RGSL1: variants seen among roughly 807,000 people sequenced by gnomAD.
The protein encoded by RGSL1 is regulator of G protein signaling protein-like.
Under a neutral mutation model 124.7 loss-of-function variants are expected in RGSL1, and 97 were observed. That is an observed-to-expected ratio of 0.78 (90% CI 0.66 to 0.92). The LOEUF is 0.92. RGSL1 is among the 40% of genes least tolerant of loss of function. The pLI, the probability that RGSL1 is intolerant of heterozygous loss-of-function variation, is 0.00. For synonymous variants in RGSL1, 424 were observed against 438.1 expected (o/e 0.97, Z 0.40); for missense variants, 1,233 against 1,288.4 (o/e 0.96, Z 0.66).
At position 182,455,946 on chromosome 1, in the gene RGSL1, G is replaced by A. The variant is rs149597785; in HGVS notation, c.96+1906G>A. The stretch of plus-strand genomic sequence containing the variant: ...TACTCTGCAGAGGTCTGGCCAATGG[G>A]TGGGCAGGAGACCTTAATGGAGGAA... On this transcript the variant is annotated intron_variant, in intron 2 of 21. Transcript: ENST00000294854. 5.9e-3 allele frequency among the ~76,000 whole-genome samples: 903 copies of A among 152,364 alleles called. 11 individuals carry two copies. The highest frequency in any genetic ancestry group is 0.021 in the African/African-American group (873 of 41,586).
intron 9 of RGSL1, among the ~76,000 whole-genome samples, chr1:182,508,609 T>G (rs1657029872): frequency 6.6e-6 from 1 of 151,570 alleles, no homozygotes; most frequent in African/African-American, 2.4e-5. Flanking sequence ...CTCATAGTTT[T>G]GATTTGCATT....
At chr1:182,532,898 G>T (rs266535) in intron 14 of RGSL1, 107 bp downstream of exon 14, 1,084,672 of 1,276,922 alleles carry the variant, frequency 0.85, 465,111 homozygotes, top group Non-Finnish European at 0.88. Flanking sequence ...GCAGCCTGGA[G>T]TCTAGCAAAA....
chr1:182,502,662 C>G (rs562602131), intron 9 of RGSL1, among the ~76,000 whole-genome samples: 21 of 152,236 alleles, frequency 1.4e-4, no homozygotes, highest in Middle Eastern at 6.8e-3. Context: ...TTGGTATCCT[C>G]TTTTTTAATA....
intron 10 of RGSL1, among the ~76,000 whole-genome samples, chr1:182,524,122 A>T (rs1658560707): frequency 6.6e-6 from 1 of 152,188 alleles, no homozygotes; most frequent in South Asian, 2.1e-4. Flanking sequence ...CATAAAACAT[A>T]AAAAGCCAGA....
In RGSL1 at chr1:182,557,530, A is replaced by T. The variant is rs141406233; in HGVS notation, c.*165+1308A>T. 2.2e-4 allele frequency among the ~76,000 whole-genome samples: 33 copies of T among 152,322 alleles called. 1 individual carries two copies. In the East Asian group the frequency reaches 5.8e-3, roughly 27 times the overall value. On this transcript the variant is annotated intron_variant, in intron 21 of 21. Transcript: ENST00000294854. ...TGGTCACATACTGAAATACACTCAC[A>T]TTGGAGTGGGACATGGGTGAACCTG... is the stretch of plus-strand genomic sequence containing the variant.
intron 9 of RGSL1, among the ~76,000 whole-genome samples, chr1:182,500,800 T>C (rs1656295078): frequency 1.3e-5 from 2 of 152,214 alleles, no homozygotes; most frequent in South Asian, 4.1e-4. Flanking sequence ...TCATTGTGAG[T>C]ATATAGAAAT....
chr1:182,548,767 G>C lies in RGSL1; in HGVS notation c.2876G>C (p.Ser959Thr). 6.4e-7 allele frequency: 1 copy of C among 1,551,650 alleles called. No individual in the cohort carries two copies. Among genetic ancestry groups the C allele is most frequent in the East Asian group, 2.4e-5 (1 of 40,912 alleles). The change falls in exon 17 of 22, where the codon AGC becomes ACC. Residue 959 changes from serine (S) to threonine (T), a missense_variant. Physicochemically the swap from Ser to Thr is moderately conservative, Grantham distance 58. Coordinates refer to ENST00000294854, the MANE Select transcript of RGSL1 (RefSeq NM_001137669.2). Reference protein sequence around the residue: ...AAITEGYLDRSVFHGAIMSVF... With the variant: ...AAITEGYLDRTVFHGAIMSVF... ...ATCACAGAGGGCTACCTAGATCGGA[G>C]CGTCTTCCATGGGGCTATCATGTCT... is the stretch of plus-strand genomic sequence containing the variant.
intron 11 of RGSL1, among the ~76,000 whole-genome samples, chr1:182,528,204 G>A (rs1317939203): frequency 6.6e-6 from 1 of 152,082 alleles, no homozygotes; most frequent in Non-Finnish European, 1.5e-5. Flanking sequence ...ACTATCATGA[G>A]AACAGCATGG....
rs779449618 is a variant in RGSL1 at position 182,548,409 on chromosome 1, T to G, written c.2762T>G (p.Ile921Ser). The change falls in exon 16 of 22, where the codon ATT (isoleucine) becomes AGT (serine). Residue 921 changes from isoleucine (I) to serine (S), a missense_variant. Ile to Ser is a moderately radical substitution (Grantham distance 142). Coordinates refer to ENST00000294854, the MANE Select transcript of RGSL1 (RefSeq NM_001137669.2). ...ATCCTAATGCGGTCCAAAATGAACA[T>G]TATCCAAAAACTCTTCCTGAATTCT... ...DVILMRSKMN[I>S]IQKLFLNSDI... is the part of the protein sequence containing the mutation. 2 of 1,551,716 alleles carry G rather than the reference T, an allele frequency of 1.3e-6. No individual in the cohort carries two copies. The highest frequency in any genetic ancestry group is 2.4e-5 in the South Asian group (2 of 84,052).
intron 2 of RGSL1, among the ~76,000 whole-genome samples, chr1:182,456,851 C>CT (rs1652374659): frequency 6.6e-6 from 1 of 152,046 alleles, no homozygotes; most frequent in Non-Finnish European, 1.5e-5. Flanking sequence ...AGTATTTTCC[C>CT]TTTTTACCAA....
chr1:182,462,142 G>C (rs1236203347), intron 4 of RGSL1, among the ~76,000 whole-genome samples: 2 of 152,062 alleles, frequency 1.3e-5, no homozygotes, highest in African/African-American at 4.8e-5. Flanking sequence ...ACTTTACAAA[G>C]GATATTCATA....
chr1:182,454,714 A>G (rs1652152942), intron 2 of RGSL1, among the ~76,000 whole-genome samples: 1 of 152,076 alleles, frequency 6.6e-6, no homozygotes, highest in Non-Finnish European at 1.5e-5. Flanking sequence ...CCAGGTGTTT[A>G]GTGCATAGAA....
chr1:182,540,271 C>T lies in RGSL1; in HGVS notation c.2519C>T (p.Ser840Leu), dbSNP rs756204279. The T allele has an allele frequency of 4.5e-6, 7 of 1,550,592 alleles. No homozygotes were observed. Among genetic ancestry groups the T allele is most frequent in the East Asian group, 4.9e-5 (2 of 40,862 alleles). Residue 840 changes from serine (S) to leucine (L), a missense_variant, in exon 15 of 22, where the codon TCG becomes TTG. Ser to Leu is a moderately radical substitution (Grantham distance 145). Coordinates refer to ENST00000294854, the MANE Select transcript of RGSL1 (RefSeq NM_001137669.2). ...GATTTCACCACAGCACACAACACAT[C>T]GGGACGTTCAGCTCCACCCTCCACA... ...KENFTTAHNT[S>L]GRSAPPSTNV...
At position 182,512,500 on chromosome 1, in the gene RGSL1, C is replaced by T. The variant is rs72725018; in HGVS notation, c.1826-9504C>T. Among the ~76,000 whole-genome samples the T allele has an allele frequency of 3.5e-3, 529 of 152,240 alleles. 1 individual carries two copies. The highest frequency in any genetic ancestry group is 4.8e-3 in the Non-Finnish European group (328 of 68,012). Reference sequence around the variant, plus strand: ...CAAACCCCTTATGGGAGGAGGGGCACGCAGACAGGCAGGTTCAGGAGCCAG... The same window carrying T: ...CAAACCCCTTATGGGAGGAGGGGCATGCAGACAGGCAGGTTCAGGAGCCAG... On this transcript the variant is annotated intron_variant, in intron 9 of 21. Coordinates refer to ENST00000294854, the MANE Select transcript of RGSL1 (RefSeq NM_001137669.2).
At chr1:182,464,282 A>G (rs796334904) in intron 4 of RGSL1, among the ~76,000 whole-genome samples, 12 of 152,358 alleles carry the variant, frequency 7.9e-5, no homozygotes, top group African/African-American at 2.9e-4. Flanking sequence ...CTCTAGAAAA[A>G]GAACAGCAAA....
At position 182,489,138 on chromosome 1, in the gene RGSL1, T is replaced by C; in HGVS notation, c.1653T>C (p.Ala551=). 1 of 1,551,736 alleles carries C rather than the reference T, an allele frequency of 6.4e-7. No individual in the cohort carries two copies. The highest frequency in any genetic ancestry group is 2.0e-5 in the Admixed American group (1 of 50,998). Residue 551 remains alanine, a synonymous_variant, in exon 8 of 22, where the codon GCT becomes GCC. Transcript: ENST00000294854. ...ACTATAGGCAGTGGCGAAAGATAGC[T>C]ACTGAGGACCTGAAGCAAGGAGGCT... is the stretch of plus-strand genomic sequence containing the variant. ...EMDYRQWRKI[A]TEDLKQGGSL...
At chr1:182,514,591 C>T (rs1657719574) in intron 9 of RGSL1, among the ~76,000 whole-genome samples, 1 of 152,146 alleles carries the variant, frequency 6.6e-6, no homozygotes, top group Admixed American at 6.5e-5. Context: ...CTAAGATACC[C>T]CTTAATTTGC....
chr1:182,497,301 G>A (rs1308206996), intron 9 of RGSL1, among the ~76,000 whole-genome samples: 1 of 147,110 alleles, frequency 6.8e-6, no homozygotes, highest in Admixed American at 6.8e-5. Context: ...GTGTGTCTGT[G>A]TATCTTTTTC....
chr1:182,486,397 A>G (rs1025401373), intron 6 of RGSL1, among the ~76,000 whole-genome samples: 1 of 149,820 alleles, frequency 6.7e-6, no homozygotes, highest in Non-Finnish European at 1.5e-5. Flanking sequence ...TGCAACCTCC[A>G]TCTTCCAGGT....
Sources: gnomAD v4.1 joint callset for allele counts (sites outside exome capture counted in the v4.1 genomes callset) on GRCh38, gnomAD v4.1.1 for gene constraint, MANE v1.5 for transcripts, NCBI Gene and HGNC (gene_info 2026-07-23, HGNC 2026-07-21) for gene names.